MAGI1: variants seen among roughly 807,000 people sequenced by gnomAD.
MAGI1 encodes the protein membrane associated guanylate kinase, WW and PDZ domain containing 1.
MAGI1 carries 58 observed loss-of-function variants against 139.9 expected under a neutral mutation model. The ratio of observed to expected loss-of-function variants is 0.41; its 90% CI spans 0.34 to 0.52. The LOEUF (loss-of-function observed/expected upper bound fraction) is 0.52, where lower values mean the gene tolerates loss of function less well. Among genes scored for constraint, MAGI1 ranks in the 20% least tolerant of loss-of-function variants. The pLI is 0.12. For missense variants in MAGI1, 1,874 were observed against 1,901.6 expected (o/e 0.99, Z 0.27); for synonymous variants, 812 against 737.9 (o/e 1.10, Z -1.63).
At chr3:65,791,763 C>T (rs1253787100) in intron 1 of MAGI1, among the ~76,000 whole-genome samples, 1 of 152,008 alleles carries the variant, frequency 6.6e-6, no homozygotes, top group African/African-American at 2.4e-5. Flanking sequence ...AAATTTTCTA[C>T]GTTGAATATA....
At position 65,636,384 on chromosome 3, in the gene MAGI1, T is replaced by A. The variant is rs771054881; in HGVS notation, c.314-14296A>T. ...ATCTCCATAATTCCATAAACGATTA[T>A]AATTTGCACACTCCACTATTTTCAT... On this transcript the variant is annotated intron_variant, in intron 1 of 22. Transcript: ENST00000402939. 1.8e-4 allele frequency among the ~76,000 whole-genome samples: 28 copies of A among 152,186 alleles called. 1 individual carries two copies. Among genetic ancestry groups the A allele is most frequent in the Middle Eastern group, 3.2e-3 (1 of 316 alleles).
chr3:65,877,483 T>A (rs1309780423), intron 1 of MAGI1, among the ~76,000 whole-genome samples: 2 of 152,068 alleles, frequency 1.3e-5, no homozygotes, highest in South Asian at 2.1e-4. Context: ...CGTAGAGAGG[T>A]TCCCCAGAGA....
At chr3:65,787,608 C>G (rs2039485909) in intron 1 of MAGI1, among the ~76,000 whole-genome samples, 1 of 150,156 alleles carries the variant, frequency 6.7e-6, no homozygotes, top group Non-Finnish European at 1.5e-5. Flanking sequence ...CATTCCCTGC[C>G]CTCTGGGACT....
At chr3:65,901,485 C>T (rs754794717) in intron 1 of MAGI1, among the ~76,000 whole-genome samples, 20 of 152,250 alleles carry the variant, frequency 1.3e-4, no homozygotes, top group Non-Finnish European at 2.1e-4. Flanking sequence ...TCTGGCAAAA[C>T]GCTGCAAAGG....
intron 1 of MAGI1, among the ~76,000 whole-genome samples, chr3:65,962,760 G>A (rs1383094175): frequency 6.7e-6 from 1 of 148,222 alleles, no homozygotes; most frequent in East Asian, 2.0e-4. Flanking sequence ...GGGAGGCAGA[G>A]GTTGCAGTGA....
At position 65,847,213 on chromosome 3, in the gene MAGI1, G is replaced by C. The variant is rs958040244; in HGVS notation, c.313+190783C>G. 5.3e-5 allele frequency among the ~76,000 whole-genome samples: 8 copies of C among 151,784 alleles called. No individual in the cohort carries two copies. In the South Asian group the frequency reaches 1.7e-3, roughly 31 times the overall value. ...CATGACAAATCACAAATCAGAGACAGAGTCTTCTACATGAGGATTTAAAGC... is the reference window on the plus strand; with the variant it reads ...CATGACAAATCACAAATCAGAGACACAGTCTTCTACATGAGGATTTAAAGC... On this transcript the variant is annotated intron_variant, in intron 1 of 22. Coordinates refer to ENST00000402939, the MANE Select transcript of MAGI1 (RefSeq NM_001033057.2).
chr3:65,965,958 C>T (rs1185396422), intron 1 of MAGI1, among the ~76,000 whole-genome samples: 1 of 152,132 alleles, frequency 6.6e-6, no homozygotes, highest in Non-Finnish European at 1.5e-5. Context: ...CCACCAGTCA[C>T]CCTCCTCTTT....
chr3:65,957,073 T>C (rs888874247), intron 1 of MAGI1, among the ~76,000 whole-genome samples: 1 of 152,132 alleles, frequency 6.6e-6, no homozygotes, highest in Non-Finnish European at 1.5e-5. Flanking sequence ...CTCTGAGGCA[T>C]ACCCTAGAGA....
chr3:65,990,405 G>A (rs2066109909), intron 1 of MAGI1, among the ~76,000 whole-genome samples: 1 of 152,202 alleles, frequency 6.6e-6, no homozygotes, highest in South Asian at 2.1e-4. Context: ...CTTAGGATGA[G>A]TACCGCCTAC....
rs1385552870 is a variant in MAGI1 at position 65,694,975 on chromosome 3, C to A, written c.314-72887G>T. 2.6e-5 allele frequency among the ~76,000 whole-genome samples: 4 copies of A among 152,068 alleles called. 1 individual carries two copies. The highest frequency in any genetic ancestry group is 1.3e-4 in the Admixed American group (2 of 15,270). On this transcript the variant is annotated intron_variant, in intron 1 of 22. Coordinates refer to ENST00000402939, the MANE Select transcript of MAGI1 (RefSeq NM_001033057.2). ...CATTCAGGTACAAAGTGTGAAATTT[C>A]TTTTGCATATAAGGCTGCTCGTGCT...
rs1358100818 is a variant in MAGI1, at chr3:65,379,301, G to A, written c.2955C>T (p.Ile985=). ...RGENEGFGFV[I]VSSVSRPEAG... ...CTTCGGGCCTGCTCACCGAGGACAC[G>A]ATGACGAAGCCGAAGCCCTCGTTCT... is the stretch of plus-strand genomic sequence containing the variant. Residue 985 remains isoleucine, a synonymous_variant, in exon 17 of 23, where the codon ATC becomes ATT. Coordinates refer to ENST00000402939, the MANE Select transcript of MAGI1 (RefSeq NM_001033057.2). 6.2e-7 allele frequency: 1 copy of A among 1,613,254 alleles called. No individual in the cohort carries two copies. Among genetic ancestry groups the A allele is most frequent in the Non-Finnish European group, 8.5e-7 (1 of 1,179,606 alleles).
intron 1 of MAGI1, among the ~76,000 whole-genome samples, chr3:65,747,565 A>C (rs1049626050): frequency 3.3e-5 from 5 of 152,200 alleles, no homozygotes; most frequent in African/African-American, 9.7e-5. Context: ...CATTTCTAAA[A>C]AGGTAAATAT....
intron 4 of MAGI1, among the ~76,000 whole-genome samples, chr3:65,476,400 G>C (rs553163207): frequency 6.6e-6 from 1 of 152,130 alleles, no homozygotes; most frequent in Non-Finnish European, 1.5e-5. Flanking sequence ...CTAATCATCA[G>C]ACTGATTTTG....
intron 2 of MAGI1, among the ~76,000 whole-genome samples, chr3:65,523,384 T>C (rs1489912688): frequency 8.0e-6 from 1 of 125,410 alleles, no homozygotes. Context: ...CTTAATAATA[T>C]AAGCAAGGTC....
chr3:66,032,760 C>CA (rs1205048938), intron 1 of MAGI1, among the ~76,000 whole-genome samples: 6 of 150,326 alleles, frequency 4.0e-5, no homozygotes, highest in African/African-American at 1.5e-4. Context: ...TACTAAAATA[C>CA]AAAAAATTAG....
intron 5 of MAGI1, among the ~76,000 whole-genome samples, chr3:65,454,552 TAATAAA>T (rs553127448): frequency 2.0e-3 from 259 of 130,886 alleles, no homozygotes; most frequent in East Asian, 7.8e-3. Context: ...ATAATAATAA[TAATAAA>T]AAAATACTTG....
At chr3:65,672,138 C>T (rs1198068405) in intron 1 of MAGI1, among the ~76,000 whole-genome samples, 1 of 152,086 alleles carries the variant, frequency 6.6e-6, no homozygotes, top group East Asian at 1.9e-4. Flanking sequence ...TACTAGAAAC[C>T]TTGACTCCAA....
chr3:65,959,798 CTTTT>C (rs33978400), intron 1 of MAGI1, among the ~76,000 whole-genome samples: 8 of 60,264 alleles, frequency 1.3e-4, no homozygotes, highest in Non-Finnish European at 2.0e-4. Context: ...TAAATTCTCT[CTTTT>C]TTTTTTTTTT....
At chr3:65,499,915 G>C (rs1409215277) in intron 2 of MAGI1, among the ~76,000 whole-genome samples, 1 of 152,104 alleles carries the variant, frequency 6.6e-6, no homozygotes, top group African/African-American at 2.4e-5. Flanking sequence ...GGTATCAATA[G>C]GCAGGTAACT....
Sources: gnomAD v4.1 joint callset for allele counts (sites outside exome capture counted in the v4.1 genomes callset) on GRCh38, gnomAD v4.1.1 for gene constraint, MANE v1.5 for transcripts, NCBI Gene and HGNC (gene_info 2026-07-23, HGNC 2026-07-21) for gene names.